The following UBASH3B variants were observed in gnomAD, a reference collection of about 807,000 sequenced individuals.
UBASH3B encodes ubiquitin-associated and SH3 domain-containing protein B.
A neutral mutation model predicts 83.4 loss-of-function variants in UBASH3B; 37 were observed. That is an observed-to-expected ratio of 0.44 (90% CI 0.34 to 0.58). The LOEUF is 0.58. UBASH3B is among the 20% of genes least tolerant of loss of function. The pLI is 0.01. For missense variants in UBASH3B, 657 were observed against 827.2 expected, an observed-to-expected ratio of 0.79 and a Z score of 2.52; for synonymous variants, 304 against 318.3, an observed-to-expected ratio of 0.96 and a Z score of 0.48.
At chr11:122,725,749 A>G (rs1860728152) in intron 1 of UBASH3B, among the ~76,000 whole-genome samples, 1 of 152,024 alleles carries the variant, frequency 6.6e-6, no homozygotes. Flanking sequence ...GCTGGAGTGC[A>G]GTGGCTCAAT....
rs1428664827 is a variant in UBASH3B, at chr11:122,806,451, A to T, written c.1637A>T (p.Tyr546Phe). 11 of 1,606,512 alleles carry T rather than the reference A, an allele frequency of 6.8e-6. No homozygotes were observed. Among genetic ancestry groups the T allele is most frequent in the Non-Finnish European group, 9.3e-6 (11 of 1,177,776 alleles). ...AGCAAATTAGTTGTTTCAGAATCCT[A>T]TGATACTTATATCAGTAGAAGTTTC... ...PISKLVVSES[Y>F]DTYISRSFQV... is the part of the protein sequence containing the mutation. The change falls in exon 12 of 14, where the codon TAT (tyrosine) becomes TTT (phenylalanine). Residue 546 changes from tyrosine to phenylalanine, a missense_variant. Tyr to Phe is a conservative substitution (Grantham distance 22). Around this residue, in one of 3 missense-constraint regions of UBASH3B, gnomAD observed 573 missense variants for 739.0 expected, o/e 0.78. Transcript: ENST00000284273. The surrounding 1 kb of genome is among the most constrained non-coding windows in gnomAD (Gnocchi z 4.0).
chr11:122,717,551 A>G (rs1860545903), intron 1 of UBASH3B, among the ~76,000 whole-genome samples: 1 of 152,194 alleles, frequency 6.6e-6, no homozygotes. Context: ...CACAGCACGG[A>G]TGCTTGTAAA....
rs572960230 is a variant in UBASH3B, at chr11:122,812,644, A to G, written c.*2758A>G. 6.6e-6 allele frequency: 1 copy of G among 152,382 alleles called. No homozygotes were observed. Among genetic ancestry groups the G allele is most frequent in the African/African-American group, 2.4e-5 (1 of 41,590 alleles). The allele number at this position is 152,382 out of a possible 1,614,324, so 9.4% of individuals were successfully genotyped here. A position where few individuals can be genotyped will look rare whatever the true frequency, so the allele number is the denominator to read the frequency against. ...TAAACTAGGTGAAATGAAATTAACT[A>G]AAGGTTTTAATCTGGGATTGAAAGC... is the stretch of plus-strand genomic sequence containing the variant. On this transcript the variant is annotated 3_prime_UTR_variant, in exon 14 of 14. Transcript: ENST00000284273.
chr11:122,813,627 A>C lies in UBASH3B; in HGVS notation c.*3741A>C, dbSNP rs1315526365. The stretch of plus-strand genomic sequence containing the variant: ...ACACGTGTGAGAAAGAAGAGGCACT[A>C]GTCTAAAAGGCTGCATTGCGGGGAG... On this transcript the variant is annotated 3_prime_UTR_variant, in exon 14 of 14. Transcript: ENST00000284273. 6.6e-6 allele frequency: 1 copy of C among 152,232 alleles called. No homozygotes were observed. Among genetic ancestry groups the C allele is most frequent in the Non-Finnish European group, 1.5e-5 (1 of 68,042 alleles). The allele number at this position is 152,232 out of a possible 1,614,324, so 9.4% of individuals were successfully genotyped here.
chr11:122,714,694 G>T (rs1251743863), intron 1 of UBASH3B, among the ~76,000 whole-genome samples: 1 of 152,196 alleles, frequency 6.6e-6, no homozygotes, highest in Admixed American at 6.5e-5. Context: ...AATTAAGCCT[G>T]AAATGTGCTT....
At chr11:122,795,253 G>A (rs368374852) in intron 7 of UBASH3B, among the ~76,000 whole-genome samples, 5 of 152,180 alleles carry the variant, frequency 3.3e-5, no homozygotes, top group East Asian at 1.9e-4. Flanking sequence ...AGGAGGCAGG[G>A]AGTCGTTGTT....
intron 1 of UBASH3B, among the ~76,000 whole-genome samples, chr11:122,693,587 T>C (rs1863924156): frequency 1.3e-5 from 2 of 152,066 alleles, no homozygotes; most frequent in African/African-American, 4.8e-5. Context: ...AAATAAAGAA[T>C]GATGGCCGAG....
intron 1 of UBASH3B, among the ~76,000 whole-genome samples, chr11:122,770,248 T>C (rs1307030257): frequency 1.3e-5 from 2 of 152,258 alleles, no homozygotes; most frequent in Non-Finnish European, 2.9e-5. Flanking sequence ...TCTACTTAAT[T>C]GAATCAAAGT....
chr11:122,715,238 C>T (rs922021462), intron 1 of UBASH3B, among the ~76,000 whole-genome samples: 1 of 152,006 alleles, frequency 6.6e-6, no homozygotes, highest in Admixed American at 6.6e-5. Flanking sequence ...AGCCACTGCG[C>T]CCAGCCGAGA....
Position 122,809,966 on chromosome 11 carries a change from C to A in UBASH3B, c.*80C>A. ...TTAAAAACAGTGGGAAAATCCACAC[C>A]ACACTCTAAGTGGACAGCTCAGAAT... On this transcript the variant is annotated 3_prime_UTR_variant, in exon 14 of 14. Transcript: ENST00000284273. 1.3e-6 allele frequency: 2 copies of A among 1,517,520 alleles called. No individual in the cohort carries two copies. Among genetic ancestry groups the A allele is most frequent in the South Asian group, 1.2e-5 (1 of 83,494 alleles). The allele number at this position is 1,517,520 out of a possible 1,614,324, so 94.0% of individuals were successfully genotyped here.
intron 1 of UBASH3B, among the ~76,000 whole-genome samples, chr11:122,765,204 G>C (rs993273955): frequency 2.6e-5 from 4 of 152,090 alleles, no homozygotes; most frequent in African/African-American, 9.7e-5. Flanking sequence ...TAAATGTCAG[G>C]GGCACAGGCC....
At chr11:122,737,371 T>C (rs961600352) in intron 1 of UBASH3B, among the ~76,000 whole-genome samples, 1 of 152,116 alleles carries the variant, frequency 6.6e-6, no homozygotes, top group African/African-American at 2.4e-5. Context: ...AAAGAACCAG[T>C]GTCCAAGAAA....
intron 1 of UBASH3B, among the ~76,000 whole-genome samples, chr11:122,755,593 G>A (rs559083901): frequency 3.3e-5 from 5 of 152,064 alleles, no homozygotes; most frequent in African/African-American, 2.4e-5. Context: ...GTACCAAAGC[G>A]GCTCTCAGCC....
At position 122,767,873 on chromosome 11, in the gene UBASH3B, C is replaced by T. The variant is rs188912222; in HGVS notation, c.162-8346C>T. Among the ~76,000 whole-genome samples, 1,002 of 152,270 alleles carry T rather than the reference C, an allele frequency of 6.6e-3. 7 individuals are homozygous for T. Among genetic ancestry groups the T allele is most frequent in the Middle Eastern group, 0.02 (6 of 294 alleles). On this transcript the variant is annotated intron_variant, in intron 1 of 13. Coordinates refer to ENST00000284273, the MANE Select transcript of UBASH3B (RefSeq NM_032873.5). ...GAGTCAGAAGCAGCTGAGTTACAAA[C>T]CTGGGGACCTTCACATAGTGCACTC...
chr11:122,734,852 A>G (rs1030585734), intron 1 of UBASH3B, among the ~76,000 whole-genome samples: 9 of 151,838 alleles, frequency 5.9e-5, no homozygotes, highest in Admixed American at 1.3e-4. Flanking sequence ...ATGATCCTGC[A>G]TCTGTGTCAA....
At chr11:122,803,237 C>T (rs1861286393) in intron 11 of UBASH3B, among the ~76,000 whole-genome samples, 1 of 152,148 alleles carries the variant, frequency 6.6e-6, no homozygotes, top group Admixed American at 6.5e-5. Flanking sequence ...AAAGTTGAAG[C>T]ATGTGAAAGG....
In UBASH3B at chr11:122,751,415, A is replaced by G. The variant is rs530552391; in HGVS notation, c.162-24804A>G. ...CTCCCATCTCTGTCGTCATCTGTCC[A>G]TTGGAGGCTCATTGCAGTCTGAAAT... On this transcript the variant is annotated intron_variant, in intron 1 of 13. Coordinates refer to ENST00000284273, the MANE Select transcript of UBASH3B (RefSeq NM_032873.5). 6.4e-4 allele frequency among the ~76,000 whole-genome samples: 98 copies of G among 152,282 alleles called. No homozygotes were observed. The South Asian group carries it at 0.02, about 31-fold the overall frequency.
intron 1 of UBASH3B, among the ~76,000 whole-genome samples, chr11:122,728,586 G>A (rs545974714): frequency 2.0e-5 from 3 of 152,238 alleles, no homozygotes; most frequent in Admixed American, 2.0e-4. Context: ...GCCTCCCCAG[G>A]GAGATCTTTG....
intron 1 of UBASH3B, chr11:122,773,884 A>T: frequency 2.6e-6 from 2 of 754,818 alleles, no homozygotes; most frequent in Non-Finnish European, 3.2e-6. Context: ...GTAGAAAAAA[A>T]GAAATTGAAT....
Sources: allele counts gnomAD v4.1 joint callset (sites outside exome capture counted in the v4.1 genomes callset), GRCh38; gene constraint gnomAD v4.1.1; regional missense constraint gnomAD v4.1.1; non-coding constraint Gnocchi (gnomAD v3.1); transcripts MANE v1.5; gene names NCBI Gene and HGNC (gene_info 2026-07-23, HGNC 2026-07-21).